MMP16: variants seen among roughly 807,000 people sequenced by gnomAD.
MMP16 encodes matrix metalloproteinase-16.
A neutral mutation model predicts 67.8 loss-of-function variants in MMP16; 12 were observed. The observed-to-expected ratio is 0.18, with a 90% CI of 0.11 to 0.29. MMP16 has a LOEUF of 0.29. Among genes scored for constraint, MMP16 ranks in the 10% least tolerant of loss-of-function variants. The probability of loss-of-function intolerance (pLI) is 1.00; values close to 1 mark genes in which losing one functional copy is unlikely to be tolerated. For synonymous variants in MMP16, 249 were observed against 255.9 expected (o/e 0.97, Z 0.26); for missense variants, 475 against 765.7 (o/e 0.62, Z 4.48).
intron 1 of MMP16, among the ~76,000 whole-genome samples, chr8:88,269,927 A>G (rs1031197866): frequency 1.3e-5 from 2 of 152,250 alleles, no homozygotes; most frequent in Admixed American, 1.3e-4. Flanking sequence ...TAATACTAAA[A>G]TATCTCATAT....
At chr8:88,112,910 A>AT (rs1451424944) in intron 6 of MMP16, among the ~76,000 whole-genome samples, 2 of 151,908 alleles carry the variant, frequency 1.3e-5, no homozygotes, top group South Asian at 2.1e-4. Context: ...TTACATCTAG[A>AT]TTTTTTTATT....
At chr8:88,065,725 C>T (rs1025002850) in intron 7 of MMP16, among the ~76,000 whole-genome samples, 1 of 151,906 alleles carries the variant, frequency 6.6e-6, no homozygotes, top group African/African-American at 2.4e-5. Flanking sequence ...CAATGTATTT[C>T]GACCTCAAAT....
chr8:88,049,798 T>TG (rs1226975382), intron 8 of MMP16, among the ~76,000 whole-genome samples: 1 of 151,944 alleles, frequency 6.6e-6, no homozygotes, highest in East Asian at 1.9e-4. Flanking sequence ...CCAAGATGGA[T>TG]GGATTGCTTG....
chr8:88,265,289 A>C (rs755403229), intron 1 of MMP16, among the ~76,000 whole-genome samples: 1 of 142,108 alleles, frequency 7.0e-6, no homozygotes. Context: ...CAAGACCACT[A>C]ATTTGGCAGA....
chr8:88,189,370 G>A (rs1809130392), intron 2 of MMP16, among the ~76,000 whole-genome samples: 1 of 151,774 alleles, frequency 6.6e-6, no homozygotes, highest in Non-Finnish European at 1.5e-5. Flanking sequence ...CAATTTATCT[G>A]ATGCCTCATC....
intron 4 of MMP16, among the ~76,000 whole-genome samples, chr8:88,156,682 CATTA>C (rs1208021478): frequency 1.3e-5 from 2 of 151,760 alleles, no homozygotes; most frequent in Non-Finnish European, 2.9e-5. Context: ...GCTATTAAAT[CATTA>C]ATTCAGACCA....
intron 1 of MMP16, among the ~76,000 whole-genome samples, chr8:88,298,776 A>C (rs1483978932): frequency 6.6e-6 from 1 of 152,202 alleles, no homozygotes. Flanking sequence ...GATTAGCTAC[A>C]TAATGTGAAT....
intron 4 of MMP16, among the ~76,000 whole-genome samples, chr8:88,127,378 G>A (rs944374433): frequency 6.6e-6 from 1 of 151,856 alleles, no homozygotes; most frequent in Admixed American, 6.6e-5. Flanking sequence ...GACTGCTTCA[G>A]TAGACAAAGA....
chr8:88,174,458 T>C (rs1229264079), intron 3 of MMP16, among the ~76,000 whole-genome samples: 1 of 152,256 alleles, frequency 6.6e-6, no homozygotes, highest in Non-Finnish European at 1.5e-5. Context: ...TTGGAATTAA[T>C]GAATTTATTC....
chr8:88,139,305 T>A (rs1312568932), intron 4 of MMP16, among the ~76,000 whole-genome samples: 3 of 152,020 alleles, frequency 2.0e-5, no homozygotes, highest in Non-Finnish European at 2.9e-5. Context: ...CTCAATATAT[T>A]CTCTTCTCAA....
At chr8:88,075,081 C>T (rs895978716) in intron 6 of MMP16, among the ~76,000 whole-genome samples, 23 of 152,042 alleles carry the variant, frequency 1.5e-4, no homozygotes, top group East Asian at 1.9e-4. Flanking sequence ...GTGAGAGCAG[C>T]GTTAGGGCCA....
intron 1 of MMP16, among the ~76,000 whole-genome samples, chr8:88,321,248 A>G (rs570881319): frequency 6.6e-6 from 1 of 152,288 alleles, no homozygotes; most frequent in South Asian, 2.1e-4. Context: ...ATACAGTATA[A>G]GCACTTAATT....
In MMP16 at chr8:88,171,978, C is replaced by G. The variant is rs191720358; in HGVS notation, c.405-4005G>C. Among the ~76,000 whole-genome samples the G allele has an allele frequency of 3.7e-3, 559 of 152,196 alleles. 3 individuals carry two copies. Among genetic ancestry groups the G allele is most frequent in the Non-Finnish European group, 6.3e-3 (431 of 68,010 alleles). On this transcript the variant is annotated intron_variant, in intron 3 of 9. Transcript: ENST00000286614. ...AGTAGCTGAGATTACAGGCACCCAC[C>G]AGTACAGCCAGTGAATTTTTGTATT...
intron 1 of MMP16, among the ~76,000 whole-genome samples, chr8:88,312,766 A>C (rs952658922): frequency 5.3e-5 from 8 of 152,046 alleles, no homozygotes; most frequent in Admixed American, 1.3e-4. Context: ...GTCAGGAGTT[A>C]GAGACCAGCC....
intron 1 of MMP16, among the ~76,000 whole-genome samples, chr8:88,243,594 A>G (rs537491842): frequency 1.3e-5 from 2 of 152,178 alleles, no homozygotes; most frequent in Non-Finnish European, 2.9e-5. Context: ...TAGACGCTTA[A>G]AAGTCTGTTT....
chr8:88,173,547 A>G (rs568765885), intron 3 of MMP16, among the ~76,000 whole-genome samples: 1 of 152,320 alleles, frequency 6.6e-6, no homozygotes, highest in South Asian at 2.1e-4. Flanking sequence ...AGGCATACTA[A>G]TGTTTTATGT....
chr8:88,266,605 C>G (rs150906182), intron 1 of MMP16, among the ~76,000 whole-genome samples: 5 of 152,246 alleles, frequency 3.3e-5, no homozygotes, highest in Admixed American at 2.6e-4. Flanking sequence ...TTCCCTCCTA[C>G]TTTGGTAAAA....
chr8:88,096,775 A>C (rs1281792121), intron 6 of MMP16, among the ~76,000 whole-genome samples: 3 of 151,930 alleles, frequency 2.0e-5, no homozygotes, highest in Non-Finnish European at 4.4e-5. Context: ...ATATTATCTA[A>C]ATATATAGCT....
chr8:88,129,434 GT>G (rs1482336328), intron 4 of MMP16, among the ~76,000 whole-genome samples: 2 of 151,436 alleles, frequency 1.3e-5, no homozygotes, highest in African/African-American at 2.4e-5. Context: ...AAACAAATTT[GT>G]TTTTATAAAA....
Sources: allele counts gnomAD v4.1 joint callset (sites outside exome capture counted in the v4.1 genomes callset), GRCh38; gene constraint gnomAD v4.1.1; transcripts MANE v1.5; gene names NCBI Gene and HGNC (gene_info 2026-07-23, HGNC 2026-07-21).